Variants in PTPRD observed in about 807,000 individuals in gnomAD.
PTPRD encodes the protein receptor-type tyrosine-protein phosphatase delta.
In PTPRD, 34 loss-of-function variants were observed where a neutral mutation model predicts 214.5. The observed-to-expected ratio is 0.16, with a 90% confidence interval of 0.12 to 0.21. PTPRD has a LOEUF of 0.21. PTPRD is among the 10% of genes least tolerant of loss of function. The pLI is 1.00. For synonymous variants in PTPRD, 1,128 were observed against 845.7 expected, an observed-to-expected ratio of 1.33 and a Z score of -5.79; for missense variants, 2,545 against 2,398.7, an observed-to-expected ratio of 1.06 and a Z score of -1.27.
At chr9:8,371,061 G>T (rs1392517) in intron 39 of PTPRD, among the ~76,000 whole-genome samples, 2 of 151,534 alleles carry the variant, frequency 1.3e-5, no homozygotes, top group African/African-American at 4.9e-5. Flanking sequence ...TATTAGTATT[G>T]CTACAAAATG....
At position 8,331,574 on chromosome 9, in the gene PTPRD, A is replaced by AAACTTACTATTCCTGAACTGT; in HGVS notation, c.5534+7_5534+8insACAGTTCAGGAATAGTAAGTT. The AAACTTACTATTCCTGAACTGT allele has an allele frequency of 6.2e-7, 1 of 1,611,994 alleles. No individual in the cohort carries two copies. The highest frequency in any genetic ancestry group is 8.5e-7 in the Non-Finnish European group (1 of 1,178,832). ...TTATCACTGCTTTATTCACAAATGG[A>AAACTTACTATTCCTGAACTGT]AACTTACCTGCAATGGACTGAAATG... On this transcript the variant is annotated splice_region_variant and intron_variant, in intron 44 of 45. Coordinates refer to ENST00000381196, the MANE Select transcript of PTPRD (RefSeq NM_002839.4).
intron 11 of PTPRD, among the ~76,000 whole-genome samples, chr9:9,008,821 G>T (rs1415990886): frequency 6.6e-6 from 1 of 152,058 alleles, no homozygotes; most frequent in East Asian, 1.9e-4. Flanking sequence ...GAGAACCCTT[G>T]TAAAACCTTA....
intron 10 of PTPRD, among the ~76,000 whole-genome samples, chr9:9,077,942 C>G (rs137897690): frequency 1.3e-5 from 2 of 152,172 alleles, no homozygotes; most frequent in Non-Finnish European, 2.9e-5. Context: ...CATTTATCTA[C>G]CTGACCATAG....
At chr9:8,488,932 T>C (rs1046272211) in intron 27 of PTPRD, among the ~76,000 whole-genome samples, 1 of 150,240 alleles carries the variant, frequency 6.7e-6, no homozygotes, top group East Asian at 1.9e-4. Context: ...ATTAAACATA[T>C]TTATTAAAAT....
intron 2 of PTPRD, among the ~76,000 whole-genome samples, chr9:10,438,995 G>A (rs2098741055): frequency 6.6e-6 from 1 of 151,642 alleles, no homozygotes; most frequent in Non-Finnish European, 1.5e-5. Flanking sequence ...TTGGACCAGA[G>A]AGACCATGTG....
At chr9:9,156,412 C>T (rs1435690929) in intron 10 of PTPRD, among the ~76,000 whole-genome samples, 2 of 151,340 alleles carry the variant, frequency 1.3e-5, no homozygotes, top group African/African-American at 4.8e-5. Flanking sequence ...CAGATTCATA[C>T]TTGCTCACCT....
chr9:8,938,268 AGAG>A (rs976658363), intron 11 of PTPRD, among the ~76,000 whole-genome samples: 20 of 152,078 alleles, frequency 1.3e-4, no homozygotes, highest in Admixed American at 9.8e-4. Context: ...AGAGGGGAGA[AGAG>A]GAGAAGAGAG....
At chr9:9,971,322 G>GTA (rs2095087915) in intron 4 of PTPRD, among the ~76,000 whole-genome samples, 2 of 152,244 alleles carry the variant, frequency 1.3e-5, no homozygotes, top group South Asian at 2.1e-4. Flanking sequence ...GTAGAAACCA[G>GTA]GTGTTGAGCG....
chr9:10,357,922 G>C (rs1040393191), intron 2 of PTPRD, among the ~76,000 whole-genome samples: 1 of 152,052 alleles, frequency 6.6e-6, no homozygotes, highest in Admixed American at 6.6e-5. Flanking sequence ...GCTATTCCAA[G>C]CTAAAGAAAT....
chr9:10,570,862 T>G (rs1172661298), intron 2 of PTPRD, among the ~76,000 whole-genome samples: 1 of 151,898 alleles, frequency 6.6e-6, no homozygotes, highest in Non-Finnish European at 1.5e-5. Flanking sequence ...CACTCCCAGT[T>G]GCAAACAAGG....
chr9:10,599,259 C>T (rs558120331), intron 2 of PTPRD, among the ~76,000 whole-genome samples: 1 of 151,844 alleles, frequency 6.6e-6, no homozygotes, highest in African/African-American at 2.4e-5. Context: ...CTGAACTACT[C>T]ACCTTACGAC....
intron 31 of PTPRD, among the ~76,000 whole-genome samples, chr9:8,470,553 A>C (rs1297579611): frequency 6.6e-6 from 1 of 152,136 alleles, no homozygotes; most frequent in Non-Finnish European, 1.5e-5. Context: ...TTCTGTGAGA[A>C]ACTGGTTAAG....
chr9:10,488,430 G>A (rs972341774), intron 2 of PTPRD, among the ~76,000 whole-genome samples: 1 of 150,306 alleles, frequency 6.7e-6, no homozygotes, highest in Non-Finnish European at 1.5e-5. Flanking sequence ...ACTGTGTCTT[G>A]CCCAAGGCCC....
intron 7 of PTPRD, among the ~76,000 whole-genome samples, chr9:9,649,324 C>A: frequency 6.6e-6 from 1 of 152,138 alleles, no homozygotes; most frequent in Non-Finnish European, 1.5e-5. Flanking sequence ...CTACATATTA[C>A]ATTTTAGAGT....
intron 8 of PTPRD, among the ~76,000 whole-genome samples, chr9:9,447,629 A>T (rs571683614): frequency 6.6e-6 from 1 of 152,164 alleles, no homozygotes; most frequent in African/African-American, 2.4e-5. Context: ...GCAAATGTTT[A>T]CCTGTATGAG....
chr9:10,474,980 A>AT (rs2099053547), intron 2 of PTPRD, among the ~76,000 whole-genome samples: 1 of 152,158 alleles, frequency 6.6e-6, no homozygotes, highest in Admixed American at 6.6e-5. Flanking sequence ...GACACAGTTA[A>AT]ATCAGTATGT....
chr9:9,923,688 A>C (rs187165289), intron 5 of PTPRD, among the ~76,000 whole-genome samples: 3 of 152,146 alleles, frequency 2.0e-5, no homozygotes, highest in Admixed American at 2.0e-4. Flanking sequence ...TCTTCAACTT[A>C]AAATCTCAAG....
chr9:9,502,203 G>A (rs544569638), intron 8 of PTPRD, among the ~76,000 whole-genome samples: 56 of 151,810 alleles, frequency 3.7e-4, no homozygotes, highest in Non-Finnish European at 5.6e-4. Context: ...CATGCTGTAC[G>A]TTAGATCTCT....
At chr9:8,769,673 A>G (rs2095048200) in intron 11 of PTPRD, among the ~76,000 whole-genome samples, 1 of 152,152 alleles carries the variant, frequency 6.6e-6, no homozygotes, top group African/African-American at 2.4e-5. Context: ...CTACTGTGAG[A>G]ATATTGATGT....
Sources: gnomAD v4.1 joint callset for allele counts (sites outside exome capture counted in the v4.1 genomes callset) on GRCh38, gnomAD v4.1.1 for gene constraint, MANE v1.5 for transcripts, NCBI Gene and HGNC (gene_info 2026-07-23, HGNC 2026-07-21) for gene names.